CFB: variants seen among roughly 807,000 people sequenced by gnomAD.
CFB encodes the protein complement factor B, also known as B-factor, properdin.
In CFB, 59 loss-of-function variants were observed where a neutral mutation model predicts 97.2. That is an observed-to-expected ratio of 0.61 (90% confidence interval 0.49 to 0.75). The LOEUF (loss-of-function observed/expected upper bound fraction) is 0.75, where lower values mean the gene tolerates loss of function less well. CFB is among the 30% of genes least tolerant of loss of function. CFB has a pLI of 0.00. For missense variants in CFB, 771 were observed against 959.8 expected (o/e 0.80, Z 2.60); for synonymous variants, 316 against 351.7 (o/e 0.90, Z 1.14).
In CFB at chr6:31,948,958, G is replaced by C; in HGVS notation, c.1165G>C (p.Asp389His). The change falls in exon 8 of 18, where the codon GAT becomes CAT. Residue 389 changes from aspartate (D) to histidine (H), a missense_variant. Transcript: ENST00000425368. Reference protein sequence around the residue: ...RTRHVIILMTDGLHNMGGDPI... With the variant: ...RTRHVIILMTHGLHNMGGDPI... Reference sequence around the variant, plus strand: ...CCGCCATGTCATCATCCTCATGACTGATGGTCAGAAGGGACCTCTCTCCTG... The same window carrying C: ...CCGCCATGTCATCATCCTCATGACTCATGGTCAGAAGGGACCTCTCTCCTG... 6.2e-7 allele frequency: 1 copy of C among 1,612,974 alleles called. No homozygotes were observed. Among genetic ancestry groups the C allele is most frequent in the Non-Finnish European group, 8.5e-7 (1 of 1,180,024 alleles).
Position 31,950,336 on chromosome 6 carries a change from C to T in CFB, c.1557C>T (p.Tyr519=), listed in dbSNP as rs1582139773. Residue 519 remains tyrosine, a synonymous_variant, in exon 12 of 18, where the codon TAC becomes TAT. Transcript: ENST00000425368. Reference sequence around the variant, plus strand: ...GTATGGGGGCTGTGGTGTCTGAGTACTTTGTGCTGACAGCAGCACATTGTT... The same window carrying T: ...GTATGGGGGCTGTGGTGTCTGAGTATTTTGTGCTGACAGCAGCACATTGTT... ...ESCMGAVVSE[Y]FVLTAAHCFT... is the part of the protein sequence containing the mutation. The T allele has an allele frequency of 6.2e-7, 1 of 1,613,108 alleles. No homozygotes were observed. Among genetic ancestry groups the T allele is most frequent in the Non-Finnish European group, 8.5e-7 (1 of 1,180,032 alleles).
At chr6:31,949,193 C>T (rs1221579694) in intron 8 of CFB, 50 bp from the exon 9 acceptor site, 1 of 1,590,160 alleles carries the variant, frequency 6.3e-7, no homozygotes, top group Admixed American at 1.7e-5. Context: ...CTGCCTTTAG[C>T]CAGTTTATCT....
rs1409303564 is a variant in CFB, at chr6:31,951,850, C to G, written c.2140-25C>G. 6.2e-7 allele frequency: 1 copy of G among 1,613,124 alleles called. No individual in the cohort carries two copies. On this transcript the variant is annotated intron_variant, in intron 17 of 17. Transcript: ENST00000425368. The surrounding 1 kb of genome is among the most constrained non-coding windows in gnomAD (Gnocchi z 4.3). The stretch of plus-strand genomic sequence containing the variant: ...AGGATTAGGAATTCTACTGAATGAT[C>G]CATGGCACCCCACTGCCTCTGCAGG...
chr6:31,950,822 G>C (rs1771716569), intron 13 of CFB, 46 bp from the exon 14 acceptor site: 1 of 1,612,892 alleles, frequency 6.2e-7, no homozygotes, highest in African/African-American at 1.3e-5. Context: ...CTGGAGGACT[G>C]GGGTGAGGAG....
rs763886167 is a variant in CFB at position 31,951,138 on chromosome 6, G to A, written c.1856-6G>A. 2.7e-5 allele frequency: 44 copies of A among 1,612,556 alleles called. No individual in the cohort carries two copies. The highest frequency in any genetic ancestry group is 3.3e-5 in the Admixed American group (2 of 60,006). On this transcript the variant is annotated splice_polypyrimidine_tract_variant and splice_region_variant and intron_variant, in intron 14 of 17. Coordinates refer to ENST00000425368, the MANE Select transcript of CFB (RefSeq NM_001710.6). This position sits in a 1 kb window ranked among gnomAD's most constrained non-coding sequence, Gnocchi z 4.3. Reference sequence around the variant, plus strand: ...GCAGCTGAAGTGACGCAGTCTATTCGTCCAGAGGAAGAGCTGCTCCCTGCA... The same window carrying A: ...GCAGCTGAAGTGACGCAGTCTATTCATCCAGAGGAAGAGCTGCTCCCTGCA...
Position 31,947,205 on chromosome 6 carries a change from C to T in CFB, c.484+13C>T, listed in dbSNP as rs746202820. 46 of 1,612,414 alleles carry T rather than the reference C, an allele frequency of 2.9e-5. No homozygotes were observed. Among genetic ancestry groups the T allele is most frequent in the Non-Finnish European group, 3.9e-5 (46 of 1,179,926 alleles). Reference sequence around the variant, plus strand: ...TGTGACAACGGAGGTGAGAAGCATCCCCTCCCCCTACATTGCTGTCTCCCT... The same window carrying T: ...TGTGACAACGGAGGTGAGAAGCATCTCCTCCCCCTACATTGCTGTCTCCCT... On this transcript the variant is annotated intron_variant, in intron 3 of 17. Transcript: ENST00000425368. The surrounding 1 kb of genome is among the most constrained non-coding windows in gnomAD (Gnocchi z 5.3).
chr6:31,949,492 A>G lies in CFB; in HGVS notation c.1343A>G (p.Asn448Ser), dbSNP rs1248328129. ...NINALASKKD[N>S]EQHVFKVKDM... ...AATGCTTTGGCTTCCAAGAAAGACA[A>G]TGAGCAACATGTGTTCAAAGTCAAG... is the stretch of plus-strand genomic sequence containing the variant. The change falls in exon 10 of 18, where the codon AAT becomes AGT. Residue 448 changes from asparagine to serine, a missense_variant. By Grantham distance (46) the Asn-to-Ser change is conservative. Transcript: ENST00000425368. 5 of 1,613,996 alleles carry G rather than the reference A, an allele frequency of 3.1e-6. No homozygotes were observed. The highest frequency in any genetic ancestry group is 2.2e-5 in the South Asian group (2 of 91,086).
rs752243836 is a variant in CFB at position 31,947,059 on chromosome 6, G to T, written c.351G>T (p.Arg117=). 4 of 1,612,816 alleles carry T rather than the reference G, an allele frequency of 2.5e-6. No individual in the cohort carries two copies. The African/African-American group carries it at 5.3e-5, about 22-fold the overall frequency. The change falls in exon 3 of 18, where the codon CGG becomes CGT. Residue 117 remains arginine (R), a synonymous_variant. Transcript: ENST00000425368. The surrounding 1 kb of genome is among the most constrained non-coding windows in gnomAD (Gnocchi z 5.3). ...HDFENGEYWP[R]SPYYNVSDEI... ...TCGAGAACGGGGAATACTGGCCCCG[G>T]TCTCCCTACTACAATGTGAGTGATG...
At chr6:31,949,773 T>A in intron 10 of CFB, 1 of 711,548 alleles carries the variant, frequency 1.4e-6, no homozygotes, top group Non-Finnish European at 2.3e-6. Context: ...TAGTCCTACA[T>A]TTGACACGTG....
At position 31,946,687 on chromosome 6, in the gene CFB, A is replaced by G. The variant is rs973918950; in HGVS notation, c.298+81A>G. Reference sequence around the variant, plus strand: ...GCAAGGTCAGGACTAGGATGAGACTAGGCAGGGTGACAAGGTGGGCTGACC... The same window carrying G: ...GCAAGGTCAGGACTAGGATGAGACTGGGCAGGGTGACAAGGTGGGCTGACC... On this transcript the variant is annotated intron_variant, in intron 2 of 17. Transcript: ENST00000425368. This position sits in a 1 kb window ranked among gnomAD's most constrained non-coding sequence, Gnocchi z 6.4. 36 of 1,325,864 alleles carry G rather than the reference A, an allele frequency of 2.7e-5. No individual in the cohort carries two copies. Among genetic ancestry groups the G allele is most frequent in the Non-Finnish European group, 3.8e-5 (36 of 946,676 alleles). 82.1% of individuals were successfully genotyped at this position (1,325,864 alleles called of 1,614,324 possible).
rs1771719294 is a variant in CFB at position 31,950,871 on chromosome 6, C to T, written c.1782C>T (p.Pro594=). Residue 594 remains proline (P), a synonymous_variant, in exon 14 of 18, where the codon CCC becomes CCT. Coordinates refer to ENST00000425368, the MANE Select transcript of CFB (RefSeq NM_001710.6). ...CTGTTCTCCTTGTCCTTTATAGGCC[C>T]ATTTGTCTCCCCTGCACCGAGGGAA... is the stretch of plus-strand genomic sequence containing the variant. The part of the protein sequence containing the change: ...NKLKYGQTIR[P]ICLPCTEGTT... The T allele has an allele frequency of 2.5e-6, 4 of 1,612,880 alleles. No homozygotes were observed. Among genetic ancestry groups the T allele is most frequent in the African/African-American group, 1.3e-5 (1 of 74,896 alleles).
Position 31,951,575 on chromosome 6 carries a change from A to G in CFB, c.2110A>G (p.Ile704Val). 2 of 1,614,164 alleles carry G rather than the reference A, an allele frequency of 1.2e-6. No individual in the cohort carries two copies. Among genetic ancestry groups the G allele is most frequent in the Non-Finnish European group, 1.7e-6 (2 of 1,180,038 alleles). Reference protein sequence around the residue: ...TCRGDSGGPLIVHKRSRFIQV... With the variant: ...TCRGDSGGPLVVHKRSRFIQV... ...TGCAGGTGATTCTGGCGGCCCCTTG[A>G]TAGTTCACAAGAGAAGTCGTTTCAT... Residue 704 changes from isoleucine (I) to valine (V), a missense_variant, in exon 17 of 18, where the codon ATA becomes GTA. Coordinates refer to ENST00000425368, the MANE Select transcript of CFB (RefSeq NM_001710.6). The surrounding 1 kb of genome is among the most constrained non-coding windows in gnomAD (Gnocchi z 4.3).
chr6:31,949,780 C>A (rs1562630306), intron 10 of CFB: 1 of 706,660 alleles, frequency 1.4e-6, no homozygotes, highest in South Asian at 1.8e-5. Context: ...ACATTTGACA[C>A]GTGGAAACAG....
At position 31,947,084 on chromosome 6, in the gene CFB, G is replaced by T; in HGVS notation, c.376G>T (p.Glu126Ter). Residue 126 changes from glutamate to a stop codon, truncating the protein, a stop_gained, in exon 3 of 18, where the codon GAG becomes TAG. Transcript: ENST00000425368. LOFTEE classifies it high-confidence loss of function. The surrounding 1 kb of genome is among the most constrained non-coding windows in gnomAD (Gnocchi z 5.3). ...GTCTCCCTACTACAATGTGAGTGAT[G>T]AGATCTCTTTCCACTGCTATGACGG... ...PRSPYYNVSD[E>*]ISFHCYDGYT... 1 of 1,613,022 alleles carries T rather than the reference G, an allele frequency of 6.2e-7. No homozygotes were observed. Among genetic ancestry groups the T allele is most frequent in the Non-Finnish European group, 8.5e-7 (1 of 1,180,034 alleles).
At chr6:31,948,310 T>C in intron 6 of CFB, 64 bp from the exon 7 acceptor site, 1 of 1,611,180 alleles carries the variant, frequency 6.2e-7, no homozygotes, top group East Asian at 2.2e-5. Context: ...GCAAAGTCGC[T>C]GAAATCTCCC....
rs1771671769 is a variant in CFB, at chr6:31,950,271, C to A, written c.1507-15C>A. ...GTGAAAGTTGAGCTTTCCCTCTCTA[C>A]TGTTGTGTCCCCAGCGCCCTTCAAA... On this transcript the variant is annotated splice_polypyrimidine_tract_variant and intron_variant, in intron 11 of 17. Coordinates refer to ENST00000425368, the MANE Select transcript of CFB (RefSeq NM_001710.6). 6.2e-7 allele frequency: 1 copy of A among 1,611,228 alleles called. No individual in the cohort carries two copies. The highest frequency in any genetic ancestry group is 8.5e-7 in the Non-Finnish European group (1 of 1,178,350).
In CFB at chr6:31,951,680, G is replaced by T; in HGVS notation, c.2139+76G>T. On this transcript the variant is annotated intron_variant, in intron 17 of 17. Transcript: ENST00000425368. This position sits in a 1 kb window ranked among gnomAD's most constrained non-coding sequence, Gnocchi z 4.3. ...CCCAAAGCAGGAAAGCTCAATGCAT[G>T]TGGCTAGTAATTCGAGGTAGGCAGA... is the stretch of plus-strand genomic sequence containing the variant. The T allele has an allele frequency of 3.1e-6, 5 of 1,598,120 alleles. No individual in the cohort carries two copies. The highest frequency in any genetic ancestry group is 4.3e-6 in the Non-Finnish European group (5 of 1,165,424).
rs1213207188 is a variant in CFB at position 31,946,924 on chromosome 6, G to A, written c.299-83G>A. On this transcript the variant is annotated intron_variant, in intron 2 of 17. Transcript: ENST00000425368. The surrounding 1 kb of genome is among the most constrained non-coding windows in gnomAD (Gnocchi z 6.4). ...GACTGGGAATGCGCTGTTTCTCAGT[G>A]ACATGGTCTCCGAGACCAGGAGGGA... The A allele has an allele frequency of 5.6e-6, 8 of 1,439,708 alleles. No individual in the cohort carries two copies. Among genetic ancestry groups the A allele is most frequent in the Non-Finnish European group, 7.8e-6 (8 of 1,024,560 alleles). The allele number at this position is 1,439,708 out of a possible 1,614,324, so 89.2% of individuals were successfully genotyped here. A position where few individuals can be genotyped will look rare whatever the true frequency, so the allele number is the denominator to read the frequency against.
chr6:31,948,696 T>C, intron 7 of CFB, 134 bp from the exon 8 acceptor site: 3 of 1,534,848 alleles, frequency 2.0e-6, no homozygotes, highest in East Asian at 2.3e-5. Context: ...CACTTTGTGG[T>C]CAAAGGGAAG....
Sources: allele counts gnomAD v4.1 joint callset, GRCh38; gene constraint gnomAD v4.1.1; non-coding constraint Gnocchi (gnomAD v3.1); transcripts MANE v1.5; gene names NCBI Gene and HGNC (gene_info 2026-07-23, HGNC 2026-07-21).